Variants in GPC5 observed in about 807,000 individuals in gnomAD.
GPC5 encodes glypican-5.
GPC5 carries 47 observed loss-of-function variants against 53.9 expected under a neutral mutation model. The observed-to-expected ratio is 0.87, with a 90% confidence interval of 0.69 to 1.11. GPC5 has a LOEUF of 1.11. Ranked by LOEUF, GPC5 falls within the 50% of genes most tolerant of loss-of-function variation. The pLI is 0.00. For synonymous variants in GPC5, 286 were observed against 263.3 expected (o/e 1.09, Z -0.84); for missense variants, 748 against 713.1 (o/e 1.05, Z -0.56).
At chr13:91,972,944 T>C (rs1594697830) in intron 6 of GPC5, among the ~76,000 whole-genome samples, 1 of 152,246 alleles carries the variant, frequency 6.6e-6, no homozygotes. Flanking sequence ...AATTATGTGT[T>C]TTGGAGTTGC....
chr13:92,835,655 G>A (rs1878196160), intron 7 of GPC5, among the ~76,000 whole-genome samples: 1 of 151,940 alleles, frequency 6.6e-6, no homozygotes, highest in African/African-American at 2.4e-5. Context: ...CAACAAACAT[G>A]TTTGTAAAGA....
At chr13:92,531,903 T>G (rs1361788962) in intron 7 of GPC5, among the ~76,000 whole-genome samples, 3 of 152,202 alleles carry the variant, frequency 2.0e-5, no homozygotes, top group African/African-American at 7.2e-5. Context: ...CAGTTTGACA[T>G]TTTTCATTTA....
intron 7 of GPC5, among the ~76,000 whole-genome samples, chr13:92,158,616 A>G (rs1274650509): frequency 1.3e-5 from 2 of 151,748 alleles, no homozygotes; most frequent in Non-Finnish European, 2.9e-5. Flanking sequence ...AATAAGACCC[A>G]TTGCCTTTAC....
chr13:92,674,042 C>T (rs573620221), intron 7 of GPC5, among the ~76,000 whole-genome samples: 2 of 152,294 alleles, frequency 1.3e-5, no homozygotes, highest in Admixed American at 1.3e-4. Flanking sequence ...CCTATTTCAG[C>T]CCCACTAAAG....
chr13:92,736,551 A>G (rs1888940462), intron 7 of GPC5, among the ~76,000 whole-genome samples: 2 of 151,850 alleles, frequency 1.3e-5, no homozygotes, highest in South Asian at 4.1e-4. Flanking sequence ...TTGTATGTCC[A>G]CACCAGTGTG....
intron 7 of GPC5, among the ~76,000 whole-genome samples, chr13:92,731,361 G>A (rs1888798781): frequency 6.6e-6 from 1 of 151,432 alleles, no homozygotes; most frequent in African/African-American, 2.4e-5. Flanking sequence ...GGTGACTGTG[G>A]AAAGTTAATT....
chr13:92,042,083 G>A (rs1430438410), intron 6 of GPC5, among the ~76,000 whole-genome samples: 5 of 152,158 alleles, frequency 3.3e-5, no homozygotes, highest in Admixed American at 6.5e-5. Context: ...CAGCTGACTG[G>A]GGTCCTGAGT....
chr13:92,465,833 A>G (rs1036736932), intron 7 of GPC5, among the ~76,000 whole-genome samples: 1 of 152,026 alleles, frequency 6.6e-6, no homozygotes, highest in Admixed American at 6.6e-5. Flanking sequence ...AATCTAGATG[A>G]CATTATGCTA....
intron 2 of GPC5, among the ~76,000 whole-genome samples, chr13:91,639,676 G>T (rs572438084): frequency 2.0e-5 from 3 of 152,102 alleles, no homozygotes; most frequent in African/African-American, 7.2e-5. Context: ...TCATTCTGAC[G>T]CAGTCACAGT....
At chr13:92,514,820 A>G (rs994983603) in intron 7 of GPC5, among the ~76,000 whole-genome samples, 3 of 152,170 alleles carry the variant, frequency 2.0e-5, no homozygotes, top group Admixed American at 2.0e-4. Context: ...GCCTTCTCCA[A>G]TAAAGGATCC....
intron 2 of GPC5, among the ~76,000 whole-genome samples, chr13:91,470,635 T>C (rs928478541): frequency 2.0e-5 from 3 of 152,194 alleles, no homozygotes; most frequent in Admixed American, 6.5e-5. Flanking sequence ...TTCTAGCTTA[T>C]GTGTGTTTTT....
chr13:91,653,424 C>CA (rs1443582635), intron 2 of GPC5, among the ~76,000 whole-genome samples: 2 of 151,778 alleles, frequency 1.3e-5, no homozygotes, highest in Non-Finnish European at 2.9e-5. Flanking sequence ...TTAATGGGTA[C>CA]AAAAAATAGA....
intron 5 of GPC5, among the ~76,000 whole-genome samples, chr13:91,785,865 T>C (rs535070261): frequency 4.6e-5 from 7 of 152,338 alleles, no homozygotes; most frequent in South Asian, 2.1e-4. Context: ...TCTGAACTTA[T>C]GCTGAGATTC....
chr13:91,504,007 G>T (rs1884804728), intron 2 of GPC5, among the ~76,000 whole-genome samples: 1 of 151,692 alleles, frequency 6.6e-6, no homozygotes, highest in African/African-American at 2.4e-5. Context: ...TTTATTTCAA[G>T]ATCTCCAGAA....
intron 7 of GPC5, among the ~76,000 whole-genome samples, chr13:92,260,286 T>C (rs1351568642): frequency 6.6e-6 from 1 of 152,198 alleles, no homozygotes. Flanking sequence ...TGGATAAATT[T>C]CCTAACTCAC....
intron 7 of GPC5, among the ~76,000 whole-genome samples, chr13:92,537,997 G>T (rs1881779548): frequency 6.6e-6 from 1 of 151,978 alleles, no homozygotes; most frequent in African/African-American, 2.4e-5. Flanking sequence ...AATTTTTCAT[G>T]TTAAGAAGCT....
intron 2 of GPC5, among the ~76,000 whole-genome samples, chr13:91,550,362 G>A (rs1170700884): frequency 6.6e-6 from 1 of 152,076 alleles, no homozygotes; most frequent in South Asian, 2.1e-4. Flanking sequence ...TATGTACTTT[G>A]GGTAATTATG....
chr13:92,843,138 CATA>C (rs1156465206), intron 7 of GPC5, among the ~76,000 whole-genome samples: 2 of 152,242 alleles, frequency 1.3e-5, no homozygotes, highest in East Asian at 3.9e-4. Context: ...GATTGTTTTT[CATA>C]ATATTATATA....
intron 7 of GPC5, among the ~76,000 whole-genome samples, chr13:92,158,857 A>G (rs1173797019): frequency 2.0e-5 from 3 of 152,208 alleles, no homozygotes; most frequent in Non-Finnish European, 4.4e-5. Context: ...GTTCGGTATC[A>G]AAATTTATGA....
Sources: gnomAD v4.1 joint callset for allele counts (sites outside exome capture counted in the v4.1 genomes callset) on GRCh38, gnomAD v4.1.1 for gene constraint, MANE v1.5 for transcripts, NCBI Gene and HGNC (gene_info 2026-07-23, HGNC 2026-07-21) for gene names.